ANKUB1: variants seen among roughly 807,000 people sequenced by gnomAD.
ANKUB1 encodes the protein protein ANKUB1.
A neutral mutation model predicts 49.3 loss-of-function variants in ANKUB1; 42 were observed. That is an observed-to-expected ratio of 0.85 (90% CI 0.67 to 1.10). The LOEUF (loss-of-function observed/expected upper bound fraction) is 1.10. Ranked by LOEUF, ANKUB1 falls within the 50% of genes least tolerant of loss-of-function variation. The pLI is 0.00. For missense variants in ANKUB1, 613 were observed against 642.0 expected (o/e 0.95, Z 0.49); for synonymous variants, 222 against 231.0 (o/e 0.96, Z 0.35).
chr3:149,792,211 A>G, intron 1 of ANKUB1, 66 bp downstream of exon 1: 2 of 1,190,576 alleles, frequency 1.7e-6, no homozygotes, highest in East Asian at 2.9e-5. Context: ...CCCTTTGTAC[A>G]TTTTTAAATG....
chr3:149,786,162 G>A (rs928690038), intron 2 of ANKUB1, among the ~76,000 whole-genome samples: 3 of 151,946 alleles, frequency 2.0e-5, no homozygotes, highest in East Asian at 1.9e-4. Flanking sequence ...CAGCCTCCCC[G>A]GTAGCTGGGA....
At chr3:149,774,718 A>G (rs1168424141) in intron 3 of ANKUB1, among the ~76,000 whole-genome samples, 1 of 152,216 alleles carries the variant, frequency 6.6e-6, no homozygotes, top group Non-Finnish European at 1.5e-5. Context: ...GTTCCTTGCA[A>G]TGAAACAGTC....
At chr3:149,765,911 T>C (rs189088112) in intron 5 of ANKUB1, among the ~76,000 whole-genome samples, 1 of 152,236 alleles carries the variant, frequency 6.6e-6, no homozygotes, top group African/African-American at 2.4e-5. Flanking sequence ...GAATTTTGAG[T>C]TTTACAGCCC....
At chr3:149,772,721 T>C (rs1156315678) in intron 3 of ANKUB1, among the ~76,000 whole-genome samples, 1 of 152,214 alleles carries the variant, frequency 6.6e-6, no homozygotes, top group Non-Finnish European at 1.5e-5. Context: ...CCACTGTGCC[T>C]GCTTTCCACA....
intron 3 of ANKUB1, among the ~76,000 whole-genome samples, chr3:149,771,561 T>C (rs903459895): frequency 6.6e-6 from 1 of 152,240 alleles, no homozygotes; most frequent in African/African-American, 2.4e-5. Context: ...CACTACCTCC[T>C]CACCTTCATT....
intron 3 of ANKUB1, among the ~76,000 whole-genome samples, chr3:149,773,800 A>T (rs1717465185): frequency 6.6e-6 from 1 of 152,182 alleles, no homozygotes; most frequent in South Asian, 2.1e-4. Flanking sequence ...CCGAGGCTAC[A>T]CAGTCTCCAT....
At chr3:149,774,434 C>T (rs973311097) in intron 3 of ANKUB1, among the ~76,000 whole-genome samples, 1 of 152,172 alleles carries the variant, frequency 6.6e-6, no homozygotes, top group Non-Finnish European at 1.5e-5. Context: ...ACCAGAAGGA[C>T]TTATATGAGG....
At position 149,766,074 on chromosome 3, in the gene ANKUB1, A is replaced by G. The variant is rs547403059; in HGVS notation, c.1505+1083T>C. 1.2e-4 allele frequency among the ~76,000 whole-genome samples: 18 copies of G among 152,354 alleles called. No individual in the cohort carries two copies. The South Asian group carries it at 2.9e-3, about 25-fold the overall frequency. On this transcript the variant is annotated intron_variant, in intron 5 of 5. Transcript: ENST00000446160. The stretch of plus-strand genomic sequence containing the variant: ...AAAGGGAAAAGTCGCTTGTAAATCT[A>G]TATTTCTAACTGTAAAATTTGCATC...
chr3:149,773,199 G>T (rs144585757), intron 3 of ANKUB1, among the ~76,000 whole-genome samples: 8 of 151,952 alleles, frequency 5.3e-5, no homozygotes, highest in African/African-American at 1.9e-4. Flanking sequence ...ACACGAACAC[G>T]ACAAAGGATA....
chr3:149,785,989 A>G (rs1718082205), intron 2 of ANKUB1, among the ~76,000 whole-genome samples: 1 of 151,782 alleles, frequency 6.6e-6, no homozygotes, highest in African/African-American at 2.4e-5. Flanking sequence ...TGTGGTTTTG[A>G]TTTGCATTTC....
intron 5 of ANKUB1, chr3:149,764,082 G>T (rs1056835349): frequency 4.4e-6 from 2 of 454,448 alleles, no homozygotes; most frequent in Admixed American, 4.7e-5. Flanking sequence ...CCATTTCCTG[G>T]CTATGACACT....
chr3:149,773,560 C>G (rs1559865270), intron 3 of ANKUB1, among the ~76,000 whole-genome samples: 1 of 152,186 alleles, frequency 6.6e-6, no homozygotes, highest in East Asian at 1.9e-4. Context: ...ACCATACTTG[C>G]TACACTAGGT....
At chr3:149,762,848 A>G (rs1397949842) in intron 5 of ANKUB1, among the ~76,000 whole-genome samples, 1 of 152,144 alleles carries the variant, frequency 6.6e-6, no homozygotes, top group East Asian at 1.9e-4. Context: ...GTTCTTCCTT[A>G]TTGCCTAGGA....
rs1479609925 is a variant in ANKUB1 at position 149,767,584 on chromosome 3, T to A, written c.1078A>T (p.Lys360Ter). The change falls in exon 5 of 6, where the codon AAG (lysine) becomes TAG (stop). Residue 360 changes from lysine to a stop codon, truncating the protein, a stop_gained. Coordinates refer to ENST00000446160, the MANE Select transcript of ANKUB1 (RefSeq NM_001144960.3). LOFTEE classifies it high-confidence loss of function. ...CTGTTCCCAGCCTTATGCCAGCTCT[T>A]GGAGGTCATTTTTGGTTTGGTGAAA... is the stretch of plus-strand genomic sequence containing the variant. ...DGFTKPKMTS[K>*]SWHKAGNSDS... 2 of 1,551,596 alleles carry A rather than the reference T, an allele frequency of 1.3e-6. No homozygotes were observed. The highest frequency in any genetic ancestry group is 1.7e-6 in the Non-Finnish European group (2 of 1,146,992).
intron 5 of ANKUB1, chr3:149,766,644 A>G (rs1717028081): frequency 2.0e-6 from 1 of 506,904 alleles, no homozygotes; most frequent in South Asian, 2.3e-5. Context: ...TACAGAAAAA[A>G]AAAATCAATC....
chr3:149,767,803 T>C lies in ANKUB1; in HGVS notation c.859A>G (p.Lys287Glu). 3 of 1,551,776 alleles carry C rather than the reference T, an allele frequency of 1.9e-6. No individual in the cohort carries two copies. The highest frequency in any genetic ancestry group is 2.6e-6 in the Non-Finnish European group (3 of 1,147,002). The change falls in exon 5 of 6, where the codon AAA becomes GAA. Residue 287 changes from lysine to glutamate, a missense_variant. Lys to Glu is a moderately conservative substitution (Grantham distance 56). Transcript: ENST00000446160. Reference protein sequence around the residue: ...PLTIVFKHKHKDCVLYLLSKM... With the variant: ...PLTIVFKHKHEDCVLYLLSKM... ...CTGAGCAAATATAATACACAGTCTT[T>C]ATGCTTGTGTTTGAACACAATGGTC...
At position 149,792,301 on chromosome 3, in the gene ANKUB1, C is replaced by T; in HGVS notation, c.66G>A (p.Val22=). The T allele has an allele frequency of 6.5e-7, 1 of 1,528,962 alleles. No individual in the cohort carries two copies. The highest frequency in any genetic ancestry group is 8.8e-7 in the Non-Finnish European group (1 of 1,134,922). 94.7% of individuals were successfully genotyped at this position (1,528,962 alleles called of 1,614,324 possible). A position where few individuals can be genotyped will look rare whatever the true frequency, so the allele number is the denominator to read the frequency against. ...EPFDVSADET[V]EVVKLMIKDY... is the part of the protein sequence containing the mutation. Reference sequence around the variant, plus strand: ...CCTTTATCATCAGCTTGACAACCTCCACAGTTTCATCTGCTGAAACATCAA... The same window carrying T: ...CCTTTATCATCAGCTTGACAACCTCTACAGTTTCATCTGCTGAAACATCAA... Residue 22 remains valine (V), a synonymous_variant, in exon 1 of 6, where the codon GTG becomes GTA. Coordinates refer to ENST00000446160, the MANE Select transcript of ANKUB1 (RefSeq NM_001144960.3).
intron 3 of ANKUB1, among the ~76,000 whole-genome samples, chr3:149,773,256 G>A (rs1717444847): frequency 6.6e-6 from 1 of 152,054 alleles, no homozygotes; most frequent in African/African-American, 2.4e-5. Context: ...GTTATAACCT[G>A]TAATCTTGAA....
chr3:149,777,011 C>T (rs949452021), intron 3 of ANKUB1, among the ~76,000 whole-genome samples: 6 of 152,022 alleles, frequency 3.9e-5, no homozygotes, highest in African/African-American at 1.5e-4. Context: ...GATGTTCTGT[C>T]CTGTTCTGCC....
Sources: gnomAD v4.1 joint callset for allele counts (sites outside exome capture counted in the v4.1 genomes callset) on GRCh38, gnomAD v4.1.1 for gene constraint, MANE v1.5 for transcripts, NCBI Gene and HGNC (gene_info 2026-07-23, HGNC 2026-07-21) for gene names.